Variants in PCDHA13 observed in about 807,000 individuals in gnomAD.
PCDHA13 encodes the protein protocadherin alpha 13.
PCDHA13 carries 54 observed loss-of-function variants against 64.8 expected under a neutral mutation model. The ratio of observed to expected loss-of-function variants is 0.83; its 90% confidence interval spans 0.67 to 1.04. The LOEUF is 1.04. Ranked by LOEUF, PCDHA13 falls within the 50% of genes least tolerant of loss-of-function variation. The pLI, the probability that PCDHA13 is intolerant of heterozygous loss-of-function variation, is 0.00. For synonymous variants in PCDHA13, 587 were observed against 564.4 expected, an observed-to-expected ratio of 1.04 and a Z score of -0.57; for missense variants, 1,248 against 1,254.3, an observed-to-expected ratio of 0.99 and a Z score of 0.08.
At chr5:140,944,292 A>G (rs1330492011) in intron 1 of PCDHA13, among the ~76,000 whole-genome samples, 1 of 152,090 alleles carries the variant, frequency 6.6e-6, no homozygotes, top group Non-Finnish European at 1.5e-5. Context: ...GGCTCAAGCG[A>G]TCCTCCTACC....
At position 140,967,456 on chromosome 5, in the gene PCDHA13, G is replaced by A. The variant is rs781877104; in HGVS notation, c.2395-11493G>A. On this transcript the variant is annotated intron_variant, in intron 1 of 3. Transcript: ENST00000289272. The stretch of plus-strand genomic sequence containing the variant: ...TGCACCACCTGGTTCTCACAGCCGT[G>A]GATGGGGGCATCCCAGCCCGCTCGG... 4.3e-6 allele frequency: 7 copies of A among 1,613,480 alleles called. No homozygotes were observed. The South Asian group carries it at 6.6e-5, about 15-fold the overall frequency.
At chr5:141,006,745 T>C (rs1554260891) in intron 3 of PCDHA13, among the ~76,000 whole-genome samples, 1 of 152,144 alleles carries the variant, frequency 6.6e-6, no homozygotes, top group Non-Finnish European at 1.5e-5. Flanking sequence ...TGATGTATTA[T>C]AAATGGAGAA....
At chr5:140,988,874 T>G (rs1407460154) in intron 3 of PCDHA13, 2 of 152,194 alleles carry the variant, frequency 1.3e-5, no homozygotes, top group Non-Finnish European at 1.5e-5. Flanking sequence ...CACTCAGATG[T>G]ACGATCCTGG....
At chr5:141,008,837 C>T (rs1460664317) in intron 3 of PCDHA13, among the ~76,000 whole-genome samples, 10 of 152,178 alleles carry the variant, frequency 6.6e-5, no homozygotes, top group South Asian at 2.1e-4. Flanking sequence ...CATCCTCTTA[C>T]GCTGTGTATT....
chr5:140,969,473 A>G (rs562575347), intron 1 of PCDHA13: 1 of 1,478,090 alleles, frequency 6.8e-7, no homozygotes, highest in Non-Finnish European at 9.0e-7. Flanking sequence ...CCACAATTTG[A>G]TCATAATCTG....
At chr5:140,943,893 A>AT (rs1364551909) in intron 1 of PCDHA13, among the ~76,000 whole-genome samples, 3 of 152,226 alleles carry the variant, frequency 2.0e-5, no homozygotes, top group Non-Finnish European at 4.4e-5. Flanking sequence ...ACTGGTCATT[A>AT]TGATGTCATG....
intron 1 of PCDHA13, among the ~76,000 whole-genome samples, chr5:140,905,373 G>C (rs556428182): frequency 3.1e-4 from 47 of 152,236 alleles, no homozygotes; most frequent in Non-Finnish European, 4.6e-4. Context: ...CTGGTTCTCT[G>C]TTCTGTTTCA....
At chr5:140,963,437 A>G (rs1218824827) in intron 1 of PCDHA13, among the ~76,000 whole-genome samples, 2 of 152,144 alleles carry the variant, frequency 1.3e-5, no homozygotes, top group African/African-American at 4.8e-5. Context: ...CTAACTTCAT[A>G]CTCTGTTGCT....
At chr5:140,940,636 C>A (rs1554213535) in intron 1 of PCDHA13, among the ~76,000 whole-genome samples, 1 of 152,106 alleles carries the variant, frequency 6.6e-6, no homozygotes. Flanking sequence ...TTAAGCTTGT[C>A]ATTTATTTAT....
intron 1 of PCDHA13, among the ~76,000 whole-genome samples, chr5:140,901,267 T>G (rs2153472974): frequency 6.6e-6 from 1 of 152,344 alleles, no homozygotes; most frequent in East Asian, 1.9e-4. Context: ...TTGTGGGGTA[T>G]TACTCAAGAA....
chr5:140,985,283 A>G (rs955144760), intron 3 of PCDHA13, among the ~76,000 whole-genome samples: 6 of 152,020 alleles, frequency 3.9e-5, no homozygotes, highest in Admixed American at 1.3e-4. Context: ...TCTGCAATCT[A>G]TGATATAGTG....
intron 3 of PCDHA13, among the ~76,000 whole-genome samples, chr5:141,008,087 A>G (rs1033572346): frequency 7.2e-5 from 11 of 152,172 alleles, no homozygotes; most frequent in African/African-American, 2.7e-4. Flanking sequence ...GTTATTCTAC[A>G]TGACAAAGAA....
Position 141,011,530 on chromosome 5 carries a change from T to A in PCDHA13, c.*1593T>A, listed in dbSNP as rs1427621980. 1 of 153,810 alleles carries A rather than the reference T, an allele frequency of 6.5e-6. No individual in the cohort carries two copies. The highest frequency in any genetic ancestry group is 1.5e-5 in the Non-Finnish European group (1 of 68,042). The allele number at this position is 153,810 out of a possible 1,614,324, so 9.5% of individuals were successfully genotyped here. A position where few individuals can be genotyped will look rare whatever the true frequency, so the allele number is the denominator to read the frequency against. On this transcript the variant is annotated 3_prime_UTR_variant, in exon 4 of 4. Coordinates refer to ENST00000289272, the MANE Select transcript of PCDHA13 (RefSeq NM_018904.3). ...TGGAGTAGTGTTTTTTTAACCATTG[T>A]TAATCAGCTTTTGTGTATGAAAGAC...
chr5:140,914,777 C>T (rs1476693090), intron 1 of PCDHA13, among the ~76,000 whole-genome samples: 1 of 151,924 alleles, frequency 6.6e-6, no homozygotes, highest in Non-Finnish European at 1.5e-5. Flanking sequence ...TATGACTTAT[C>T]TTATGACCCA....
At chr5:140,892,236 C>T (rs1490048562) in intron 1 of PCDHA13, among the ~76,000 whole-genome samples, 3 of 152,140 alleles carry the variant, frequency 2.0e-5, no homozygotes, top group African/African-American at 7.2e-5. Context: ...TTTGTCTCCA[C>T]ATAAACCTGG....
In PCDHA13 at chr5:140,882,396, C is replaced by A. The variant is rs1287441519; in HGVS notation, c.128C>A (p.Thr43Asn). 54 of 1,614,078 alleles carry A rather than the reference C, an allele frequency of 3.3e-5. No homozygotes were observed. The highest frequency in any genetic ancestry group is 4.6e-5 in the Non-Finnish European group (54 of 1,180,056). Residue 43 changes from threonine to asparagine, a missense_variant, in exon 1 of 4, where the codon ACC becomes AAC. Thr to Asn is a moderately conservative substitution (Grantham distance 65). Transcript: ENST00000289272. ...YSVPEEAKHG[T>N]FVGRIAQDLG... The stretch of plus-strand genomic sequence containing the variant: ...GTCCCCGAGGAAGCAAAACACGGCA[C>A]CTTCGTGGGCCGCATCGCTCAGGAC...
At chr5:140,909,045 G>A (rs1407145935) in intron 1 of PCDHA13, among the ~76,000 whole-genome samples, 1 of 152,112 alleles carries the variant, frequency 6.6e-6, no homozygotes, top group African/African-American at 2.4e-5. Flanking sequence ...TCCATACTCT[G>A]GCATGCAAAT....
intron 1 of PCDHA13, among the ~76,000 whole-genome samples, chr5:140,952,097 G>A (rs1385693579): frequency 1.3e-5 from 2 of 152,066 alleles, no homozygotes; most frequent in East Asian, 3.9e-4. Context: ...CACATCCAGG[G>A]CACACTCGTG....
intron 1 of PCDHA13, chr5:140,969,137 T>A (rs1326685727): frequency 6.2e-7 from 1 of 1,614,036 alleles, no homozygotes. Flanking sequence ...CACCAAGACC[T>A]ACTGCTACAA....
Sources: allele counts gnomAD v4.1 joint callset (sites outside exome capture counted in the v4.1 genomes callset), GRCh38; gene constraint gnomAD v4.1.1; transcripts MANE v1.5; gene names NCBI Gene and HGNC (gene_info 2026-07-23, HGNC 2026-07-21).